The following YJU2B variants were observed in gnomAD, a reference collection of about 807,000 sequenced individuals.
The protein encoded by YJU2B is YJU2 splicing factor homolog B, also known as probable splicing factor YJU2B.
YJU2B carries 18 observed loss-of-function variants against 38.0 expected under a neutral mutation model. The observed-to-expected ratio is 0.47, with a 90% CI of 0.33 to 0.70. YJU2B has a LOEUF of 0.70. Among genes scored for constraint, YJU2B ranks in the 30% least tolerant of loss-of-function variants. The pLI is 0.02. For synonymous variants in YJU2B, 246 were observed against 225.4 expected (o/e 1.09, Z -0.82); for missense variants, 538 against 556.3 (o/e 0.97, Z 0.33).
intron 2 of YJU2B, among the ~76,000 whole-genome samples, chr19:13,734,552 A>T (rs1972897106): frequency 6.6e-6 from 1 of 152,094 alleles, no homozygotes; most frequent in African/African-American, 2.4e-5. Flanking sequence ...GGCCTCCCGA[A>T]GTGCTGGGAT....
chr19:13,750,978 G>A (rs1156482593), intron 1 of YJU2B, among the ~76,000 whole-genome samples: 1 of 151,958 alleles, frequency 6.6e-6, no homozygotes, highest in Non-Finnish European at 1.5e-5. Flanking sequence ...GGCTGGAACA[G>A]AGTGAACGAG....
At chr19:13,745,710 T>G (rs997127331), upstream of YJU2B, among the ~76,000 whole-genome samples, 6 of 25,096 alleles carry the variant, frequency 2.4e-4, no homozygotes, top group East Asian at 1.4e-3. Context: ...TATAGATATC[T>G]ATAGATCTAT....
At chr19:13,755,144 A>G (rs1369129615) in intron 3 of YJU2B, among the ~76,000 whole-genome samples, 2 of 149,540 alleles carry the variant, frequency 1.3e-5, no homozygotes, top group African/African-American at 2.5e-5. Flanking sequence ...AGCCTGGGCT[A>G]CAGAGCCAGA....
intron 2 of YJU2B, among the ~76,000 whole-genome samples, chr19:13,752,820 C>CGA (rs775324565): frequency 2.0e-5 from 3 of 151,620 alleles, no homozygotes; most frequent in East Asian, 3.9e-4. Context: ...GGCTAAGGCA[C>CGA]GAGGATTGCT....
Position 13,762,956 on chromosome 19 carries a change from CCCTGTCG to C in YJU2B, c.1082_1088del (p.Leu361GlnfsTer46). 6.2e-7 allele frequency: 1 copy of C among 1,611,996 alleles called. No individual in the cohort carries two copies. The highest frequency in any genetic ancestry group is 8.5e-7 in the Non-Finnish European group (1 of 1,179,674). On this transcript the variant is annotated frameshift_variant, in exon 10 of 10. Transcript: ENST00000221554. LOFTEE classifies it low-confidence loss of function (END_TRUNC). ...CAGGAAGGGAGCCGTCAGGACAAGC[CCCTGTCG>C]CCAGCAGGCTCCTCCCAGGAGGCAG...
At chr19:13,749,090 G>A (rs764908830) in intron 1 of YJU2B, among the ~76,000 whole-genome samples, 5 of 152,056 alleles carry the variant, frequency 3.3e-5, no homozygotes, top group East Asian at 1.9e-4. Context: ...TGCAACCTCC[G>A]CCTCCCAGAT....
rs1973718159 is a variant in YJU2B, at chr19:13,757,644, C to T, written c.197-142C>T. The T allele has an allele frequency of 1.7e-5, 18 of 1,067,072 alleles. No individual in the cohort carries two copies. The Middle Eastern group carries it at 6.8e-4, about 40-fold the overall frequency. The allele number at this position is 1,067,072 out of a possible 1,614,324, so 66.1% of individuals were successfully genotyped here. On this transcript the variant is annotated intron_variant, in intron 5 of 9. Coordinates refer to ENST00000221554, the MANE Select transcript of YJU2B (RefSeq NM_030818.4). ...TTTGCAGAGGGATTAGGAAGCCAGG[C>T]TCTGGCTTCCAATCCCGTCTCTAAC...
intron 2 of YJU2B, among the ~76,000 whole-genome samples, chr19:13,736,178 G>GCTA (rs993424487): frequency 4.0e-5 from 6 of 151,568 alleles, no homozygotes; most frequent in Non-Finnish European, 5.9e-5. Flanking sequence ...TTCTGACCTG[G>GCTA]CTAATATGTA....
In YJU2B at chr19:13,741,130, G is replaced by T. The variant is rs143511092; in HGVS notation, c.-202+8845G>T. 3.7e-3 allele frequency among the ~76,000 whole-genome samples: 553 copies of T among 151,420 alleles called. 1 individual carries two copies. Among genetic ancestry groups the T allele is most frequent in the African/African-American group, 0.013 (529 of 41,300 alleles). On this transcript the variant is annotated intron_variant, in intron 2 of 10. Transcript: ENST00000586600. The stretch of plus-strand genomic sequence containing the variant: ...GTTTCTTTCTTTGTGCTGGCTGGAG[G>T]CCTTTGGCTTTTATAGATTTCTTTT...
At position 13,763,122 on chromosome 19, in the gene YJU2B, A is replaced by G. The variant is rs113411146; in HGVS notation, c.*54A>G. 4 of 1,447,710 alleles carry G rather than the reference A, an allele frequency of 2.8e-6. No homozygotes were observed. Among genetic ancestry groups the G allele is most frequent in the South Asian group, 1.4e-5 (1 of 72,912 alleles). 89.7% of individuals were successfully genotyped at this position (1,447,710 alleles called of 1,614,324 possible). ...CTCTAGAGGCCCGGACACACCCAGG[A>G]GGCCCCTCACAGACTGCAGACCCCC... On this transcript the variant is annotated 3_prime_UTR_variant, in exon 10 of 10. Transcript: ENST00000221554.
At chr19:13,760,751 A>G (rs1973857597) in intron 8 of YJU2B, among the ~76,000 whole-genome samples, 1 of 151,356 alleles carries the variant, frequency 6.6e-6, no homozygotes, top group South Asian at 2.1e-4. Context: ...GAGCCATCAC[A>G]CCTGGCTAAT....
At chr19:13,735,880 A>G (rs557878121) in intron 2 of YJU2B, among the ~76,000 whole-genome samples, 7 of 152,144 alleles carry the variant, frequency 4.6e-5, no homozygotes, top group East Asian at 1.9e-4. Flanking sequence ...GTGAAACCCC[A>G]TCTCTACTAA....
At chr19:13,757,522 T>A (rs1197019228) in intron 5 of YJU2B, 49 bp downstream of exon 5, 12 of 1,391,246 alleles carry the variant, frequency 8.6e-6, no homozygotes, top group Non-Finnish European at 1.2e-5. Context: ...TCAGACCCCC[T>A]AACTGCTGGA....
Position 13,759,153 on chromosome 19 carries a change from G to T in YJU2B, c.454G>T (p.Gly152Cys). ...GGACGCCATGTTCCGGCTGGAGCATGGCGAGGCCGACCGCAGCACACTCAA... is the reference window on the plus strand; with the variant it reads ...GGACGCCATGTTCCGGCTGGAGCATTGCGAGGCCGACCGCAGCACACTCAA... The part of the protein sequence containing the change: ...ETDAMFRLEH[G>C]EADRSTLKKA... The change falls in exon 8 of 10, where the codon GGC (glycine) becomes TGC (cysteine). Residue 152 changes from glycine to cysteine, a missense_variant. Gly to Cys is a radical substitution (Grantham distance 159). This residue lies in a region of YJU2B where 488 missense variants were observed against 469.5 expected (regional missense o/e 1.04). Coordinates refer to ENST00000221554, the MANE Select transcript of YJU2B (RefSeq NM_030818.4). 2 of 1,613,652 alleles carry T rather than the reference G, an allele frequency of 1.2e-6. No individual in the cohort carries two copies. Among genetic ancestry groups the T allele is most frequent in the South Asian group, 1.1e-5 (1 of 91,044 alleles).
At chr19:13,734,295 TG>T (rs1972890230) in intron 2 of YJU2B, among the ~76,000 whole-genome samples, 1 of 151,672 alleles carries the variant, frequency 6.6e-6, no homozygotes, top group African/African-American at 2.4e-5. Context: ...CTGTAGAGAT[TG>T]TTTTTTTTTT....
chr19:13,754,185 T>C, intron 2 of YJU2B, 104 bp from the exon 3 acceptor site: 1 of 868,584 alleles, frequency 1.2e-6, no homozygotes, highest in Non-Finnish European at 1.9e-6. Context: ...AAATTAATAG[T>C]AAAATAAAAA....
intron 3 of YJU2B, among the ~76,000 whole-genome samples, 174 bp from the exon 4 acceptor site, chr19:13,756,023 T>A (rs1229652932): frequency 6.6e-6 from 1 of 152,222 alleles, no homozygotes; most frequent in Non-Finnish European, 1.5e-5. Flanking sequence ...CAAGCCTACA[T>A]GTTCCAGTAA....
chr19:13,736,602 C>T (rs1568275242), intron 2 of YJU2B, among the ~76,000 whole-genome samples: 1 of 152,084 alleles, frequency 6.6e-6, no homozygotes, highest in Non-Finnish European at 1.5e-5. Context: ...AGTACTTACC[C>T]AAAGACTCCC....
intron 4 of YJU2B, among the ~76,000 whole-genome samples, chr19:13,756,984 A>AAC (rs1233300966): frequency 6.6e-6 from 1 of 151,300 alleles, no homozygotes; most frequent in Non-Finnish European, 1.5e-5. Context: ...TCAAAAAAAA[A>AAC]AAAAAAATTC....
Sources: allele counts gnomAD v4.1 joint callset (sites outside exome capture counted in the v4.1 genomes callset), GRCh38; gene constraint gnomAD v4.1.1; regional missense constraint gnomAD v4.1.1; transcripts MANE v1.5; gene names NCBI Gene and HGNC (gene_info 2026-07-23, HGNC 2026-07-21).